The following JADE1 variants were observed in gnomAD, a reference collection of about 807,000 sequenced individuals.
JADE1 encodes protein Jade-1.
Under a neutral mutation model 81.8 loss-of-function variants are expected in JADE1, and 14 were observed. The ratio of observed to expected loss-of-function variants is 0.17; its 90% confidence interval spans 0.11 to 0.27. The LOEUF is 0.27. Ranked by LOEUF, JADE1 falls within the 10% of genes least tolerant of loss-of-function variation. The pLI, the probability that JADE1 is intolerant of heterozygous loss-of-function variation, is 1.00. For synonymous variants in JADE1, 353 were observed against 391.9 expected, an observed-to-expected ratio of 0.90 and a Z score of 1.17; for missense variants, 690 against 1,047.9, an observed-to-expected ratio of 0.66 and a Z score of 4.71.
At chr4:128,818,510 C>T (rs1727254017) in intron 1 of JADE1, among the ~76,000 whole-genome samples, 1 of 152,142 alleles carries the variant, frequency 6.6e-6, no homozygotes, top group Admixed American at 6.6e-5. Context: ...AATTGATTCA[C>T]ATTGAACTAA....
intron 1 of JADE1, chr4:128,811,409 C>T (rs1726351161): frequency 6.6e-6 from 1 of 152,128 alleles, no homozygotes; most frequent in Admixed American, 6.5e-5. Context: ...AATAGGTGAC[C>T]TGGCGGCCGA....
chr4:128,871,901 G>A lies in JADE1; in HGVS notation c.2168G>A (p.Gly723Asp), dbSNP rs764537560. 6.2e-7 allele frequency: 1 copy of A among 1,614,074 alleles called. No individual in the cohort carries two copies. Among genetic ancestry groups the A allele is most frequent in the South Asian group, 1.1e-5 (1 of 91,086 alleles). The change falls in exon 11 of 11, where the codon GGC (glycine) becomes GAC (aspartate). Residue 723 changes from glycine to aspartate, a missense_variant. Physicochemically the swap from Gly to Asp is moderately conservative, Grantham distance 94 (BLOSUM62 -1). Around this residue, in one of 8 missense-constraint regions of JADE1, gnomAD observed 218 missense variants for 274.3 expected, o/e 0.79. Coordinates refer to ENST00000226319, the MANE Select transcript of JADE1 (RefSeq NM_199320.4). The surrounding 1 kb of genome is among the most constrained non-coding windows in gnomAD (Gnocchi z 4.1). ...TRKEIVPKCN[G>D]SLIKVNYNQT... Reference sequence around the variant, plus strand: ...AAGGAGATAGTGCCCAAGTGCAATGGCTCCCTAATCAAAGTAAACTATAAT... The same window carrying A: ...AAGGAGATAGTGCCCAAGTGCAATGACTCCCTAATCAAAGTAAACTATAAT...
chr4:128,822,349 A>G (rs1367508924), intron 1 of JADE1, among the ~76,000 whole-genome samples: 1 of 152,144 alleles, frequency 6.6e-6, no homozygotes, highest in African/African-American at 2.4e-5. Flanking sequence ...TCTGGGTGAC[A>G]GAGCAAGACT....
At position 128,846,315 on chromosome 4, in the gene JADE1, C is replaced by T; in HGVS notation, c.139-60C>T. On this transcript the variant is annotated intron_variant, in intron 3 of 10. Transcript: ENST00000226319. This position sits in a 1 kb window ranked among gnomAD's most constrained non-coding sequence, Gnocchi z 4.0. ...AGCTCCATGGTTACATTGCAGCTGC[C>T]AGCACTCTGAATAAGAATGCAAATA... 6.6e-7 allele frequency: 1 copy of T among 1,512,428 alleles called. No homozygotes were observed. Among genetic ancestry groups the T allele is most frequent in the Non-Finnish European group, 9.1e-7 (1 of 1,094,090 alleles). The allele number at this position is 1,512,428 out of a possible 1,614,324, so 93.7% of individuals were successfully genotyped here.
At chr4:128,864,320 G>A (rs762423184) in intron 9 of JADE1, 14 of 560,880 alleles carry the variant, frequency 2.5e-5, no homozygotes, top group Non-Finnish European at 2.9e-5. Flanking sequence ...GCTAATTTTT[G>A]TATTTTTAGT....
intron 10 of JADE1, among the ~76,000 whole-genome samples, chr4:128,868,865 C>G (rs1731978793): frequency 6.6e-6 from 1 of 152,206 alleles, no homozygotes; most frequent in Admixed American, 6.5e-5. Context: ...TAGTCAGCCT[C>G]TCTCCTGCCT....
At chr4:128,849,581 G>A (rs1730171598) in intron 5 of JADE1, among the ~76,000 whole-genome samples, 1 of 152,160 alleles carries the variant, frequency 6.6e-6, no homozygotes, top group East Asian at 1.9e-4. Flanking sequence ...ACTCTTCCAG[G>A]CATGCTCCCC....
At chr4:128,869,335 C>T (rs1032659184) in intron 10 of JADE1, among the ~76,000 whole-genome samples, 3 of 152,156 alleles carry the variant, frequency 2.0e-5, no homozygotes, top group African/African-American at 7.2e-5. Flanking sequence ...CTAAGGTGAG[C>T]TCTCTCTTCA....
At chr4:128,867,755 C>A in intron 9 of JADE1, 101 bp from the exon 10 acceptor site, 1 of 639,618 alleles carries the variant, frequency 1.6e-6, no homozygotes, top group Non-Finnish European at 2.8e-6. Context: ...TCTGTCAAGG[C>A]CCTAGTAGGA....
intron 1 of JADE1, among the ~76,000 whole-genome samples, chr4:128,822,608 A>G (rs1727685220): frequency 6.6e-6 from 1 of 151,948 alleles, no homozygotes; most frequent in South Asian, 2.1e-4. Flanking sequence ...AATCCCAGCT[A>G]CTAGGGAGGC....
rs771594329 is a variant in JADE1, at chr4:128,867,847, A to G, written c.1504-9A>G. 1.9e-6 allele frequency: 3 copies of G among 1,572,498 alleles called. No homozygotes were observed. Among genetic ancestry groups the G allele is most frequent in the Non-Finnish European group, 2.6e-6 (3 of 1,142,422 alleles). On this transcript the variant is annotated splice_polypyrimidine_tract_variant and intron_variant, in intron 9 of 10. Transcript: ENST00000226319. ...TGCTTACTTAGAATCTTTATTCTCT[A>G]CATTCTAGGTTCGGAACCTCACTTA...
At chr4:128,810,215 G>A (rs1265579810) in intron 1 of JADE1, 1 of 152,034 alleles carries the variant, frequency 6.6e-6, no homozygotes, top group Non-Finnish European at 1.5e-5. Flanking sequence ...CCAGTAACTT[G>A]GGCATTGCCG....
At position 128,839,990 on chromosome 4, in the gene JADE1, T is replaced by C. The variant is rs559775512; in HGVS notation, c.53-2963T>C. ...TCCTTCTTCTGTATTGTATCAACAC[T>C]AGGTAAATTAAGAGGAAAAGGAACA... On this transcript the variant is annotated intron_variant, in intron 2 of 10. Coordinates refer to ENST00000226319, the MANE Select transcript of JADE1 (RefSeq NM_199320.4). 2.6e-5 allele frequency among the ~76,000 whole-genome samples: 4 copies of C among 152,360 alleles called. No individual in the cohort carries two copies. The East Asian group carries it at 7.7e-4, about 29-fold the overall frequency.
intron 1 of JADE1, chr4:128,811,279 G>C (rs1212800565): frequency 5.3e-5 from 8 of 152,362 alleles, no homozygotes; most frequent in Admixed American, 5.2e-4. Context: ...GGCTGAGGAC[G>C]CGGCTGCTGC....
chr4:128,843,106 T>C (rs1729588168), intron 3 of JADE1, 68 bp downstream of exon 3: 2 of 1,340,822 alleles, frequency 1.5e-6, no homozygotes, highest in Admixed American at 3.6e-5. Context: ...TTGAGTGGTA[T>C]CTATTTGTGC....
At position 128,819,287 on chromosome 4, in the gene JADE1, T is replaced by TG. The variant is rs952407274; in HGVS notation, c.-27+9416dup. Among the ~76,000 whole-genome samples, 9 of 151,562 alleles carry TG rather than the reference T, an allele frequency of 5.9e-5. No homozygotes were observed. The South Asian group carries it at 8.3e-4, about 14-fold the overall frequency. ...TGGAGTGCAATGGTGGTTTTTTTTT[T>TG]GGGGGGCAGGCTCTCTCTGCTGCTC... On this transcript the variant is annotated intron_variant, in intron 1 of 10. Transcript: ENST00000226319.
chr4:128,867,174 T>G (rs946441745), intron 9 of JADE1, among the ~76,000 whole-genome samples: 4 of 152,166 alleles, frequency 2.6e-5, no homozygotes, highest in Non-Finnish European at 4.4e-5. Flanking sequence ...ACTGGAGATG[T>G]CTAACCAGCA....
intron 8 of JADE1, among the ~76,000 whole-genome samples, chr4:128,861,245 C>T (rs1190893515): frequency 6.6e-6 from 1 of 152,242 alleles, no homozygotes; most frequent in Non-Finnish European, 1.5e-5. Context: ...TAGTGCCACA[C>T]CTCCTTTCTC....
At position 128,861,797 on chromosome 4, in the gene JADE1, G is replaced by A. The variant is rs1391181754; in HGVS notation, c.1075G>A (p.Val359Ile). 8.7e-6 allele frequency: 14 copies of A among 1,614,118 alleles called. No individual in the cohort carries two copies. Among genetic ancestry groups the A allele is most frequent in the Non-Finnish European group, 1.1e-5 (13 of 1,180,046 alleles). Reference protein sequence around the residue: ...MKTILAENDEVKFKSYCPKHS... With the variant: ...MKTILAENDEIKFKSYCPKHS... ...GACCATCTTAGCAGAGAATGATGAA[G>A]TCAAGTTCAAGTCCTATTGCCCAAA... is the stretch of plus-strand genomic sequence containing the variant. The change falls in exon 9 of 11, where the codon GTC becomes ATC. Residue 359 changes from valine to isoleucine, a missense_variant. Transcript: ENST00000226319.
Sources: allele counts gnomAD v4.1 joint callset (sites outside exome capture counted in the v4.1 genomes callset), GRCh38; gene constraint gnomAD v4.1.1; regional missense constraint gnomAD v4.1.1; non-coding constraint Gnocchi (gnomAD v3.1); transcripts MANE v1.5; gene names NCBI Gene and HGNC (gene_info 2026-07-23, HGNC 2026-07-21).